GPAT4: variants seen among roughly 807,000 people sequenced by gnomAD.
The protein encoded by GPAT4 is glycerol-3-phosphate acyltransferase 4.
Under a neutral mutation model 58.0 loss-of-function variants are expected in GPAT4, and 17 were observed. The observed-to-expected ratio is 0.29, with a 90% CI of 0.20 to 0.44. GPAT4 has a LOEUF of 0.44. GPAT4 is among the 20% of genes least tolerant of loss of function. GPAT4 has a pLI of 1.00. For missense variants in GPAT4, 377 were observed against 574.5 expected (o/e 0.66, Z 3.51); for synonymous variants, 204 against 210.1 (o/e 0.97, Z 0.25).
At chr8:41,581,403 A>T (rs1802504072) in intron 1 of GPAT4, among the ~76,000 whole-genome samples, 1 of 152,186 alleles carries the variant, frequency 6.6e-6, no homozygotes, top group Non-Finnish European at 1.5e-5. Context: ...GATCTGCAAT[A>T]ATAGAAAAAT....
At chr8:41,599,696 G>C (rs997964193) in intron 2 of GPAT4, among the ~76,000 whole-genome samples, 5 of 152,176 alleles carry the variant, frequency 3.3e-5, no homozygotes, top group African/African-American at 1.2e-4. Context: ...TTCTAAGTAG[G>C]TCCTTGCATT....
chr8:41,608,637 G>A (rs1224232713), intron 2 of GPAT4, among the ~76,000 whole-genome samples: 2 of 152,214 alleles, frequency 1.3e-5, no homozygotes, highest in Non-Finnish European at 2.9e-5. Context: ...AGGACAGAGT[G>A]CTTTGCATTT....
At chr8:41,612,043 C>A (rs538124664) in intron 6 of GPAT4, 51 bp downstream of exon 6, 1 of 1,602,676 alleles carries the variant, frequency 6.2e-7, no homozygotes, top group Non-Finnish European at 8.5e-7. Flanking sequence ...CAGGAAACAC[C>A]ACCCACCTAT....
chr8:41,582,224 G>GA (rs1170097179), intron 1 of GPAT4, among the ~76,000 whole-genome samples: 1 of 150,310 alleles, frequency 6.7e-6, no homozygotes, highest in African/African-American at 2.4e-5. Context: ...GGCTGGTCTC[G>GA]AACTCCTGAC....
At chr8:41,591,573 AATG>A (rs1217141705) in intron 1 of GPAT4, among the ~76,000 whole-genome samples, 1 of 152,238 alleles carries the variant, frequency 6.6e-6, no homozygotes, top group African/African-American at 2.4e-5. Context: ...GAACTAAGGT[AATG>A]ATGAAGCTTT....
intron 12 of GPAT4, 81 bp downstream of exon 12, chr8:41,619,058 G>C (rs768233542): frequency 1.3e-6 from 2 of 1,508,102 alleles, no homozygotes; most frequent in Admixed American, 3.6e-5. Context: ...GTCATTCCCC[G>C]TGGTGTGGAG....
At chr8:41,610,427 G>C in intron 4 of GPAT4, 1 of 1,262,826 alleles carries the variant, frequency 7.9e-7, no homozygotes, top group Non-Finnish European at 1.0e-6. Flanking sequence ...CCAAAGGGAA[G>C]GGGAGGGCAG....
chr8:41,615,916 C>A (rs1803583332), intron 10 of GPAT4, among the ~76,000 whole-genome samples: 1 of 152,208 alleles, frequency 6.6e-6, no homozygotes, highest in Admixed American at 6.5e-5. Flanking sequence ...CCTGGTGAGG[C>A]CGATGCTCAC....
At chr8:41,590,767 AC>A (rs1234087450) in intron 1 of GPAT4, among the ~76,000 whole-genome samples, 3 of 152,210 alleles carry the variant, frequency 2.0e-5, no homozygotes, top group African/African-American at 7.2e-5. Context: ...GTCCTTGTAG[AC>A]TAGAGCATTT....
chr8:41,612,294 G>A (rs757153434), intron 7 of GPAT4, 21 bp downstream of exon 7: 54 of 1,612,492 alleles, frequency 3.3e-5, no homozygotes, highest in Admixed American at 3.0e-4. Context: ...TTTCCGGTGC[G>A]TTCTTGAGGC....
At chr8:41,609,253 G>T (rs1459402111) in intron 2 of GPAT4, among the ~76,000 whole-genome samples, 163 bp from the exon 3 acceptor site, 2 of 152,242 alleles carry the variant, frequency 1.3e-5, no homozygotes, top group Admixed American at 6.5e-5. Flanking sequence ...GGAAGGGGCT[G>T]CTCTGGGGAG....
chr8:41,608,618 G>A (rs1010578396), intron 2 of GPAT4, among the ~76,000 whole-genome samples: 1 of 152,180 alleles, frequency 6.6e-6, no homozygotes, highest in African/African-American at 2.4e-5. Context: ...TGTTATTTCG[G>A]TAATAATCAG....
intron 9 of GPAT4, 126 bp from the exon 10 acceptor site, chr8:41,614,837 A>T (rs1803548423): frequency 8.0e-6 from 6 of 746,730 alleles, no homozygotes; most frequent in Admixed American, 5.4e-5. Context: ...TAGGGAGATG[A>T]CAGATGTATC....
chr8:41,610,881 A>G, intron 5 of GPAT4, 71 bp downstream of exon 5: 1 of 1,465,602 alleles, frequency 6.8e-7, no homozygotes, highest in Non-Finnish European at 9.2e-7. Context: ...TATCGAAGGC[A>G]AGGACACTTC....
chr8:41,593,648 C>T (rs1802851504), intron 1 of GPAT4, among the ~76,000 whole-genome samples: 3 of 152,196 alleles, frequency 2.0e-5, no homozygotes. Context: ...CTGTGGTTAA[C>T]AGCACAAGGT....
rs751466650 is a variant in GPAT4, at chr8:41,621,029, G to C, written c.*28G>C. ...CTGCCTCCAGCTGGCTGGGGCCACC[G>C]TGCGGGGTGCCAACGGGCTCAGAGC... On this transcript the variant is annotated 3_prime_UTR_variant, in exon 13 of 13. Coordinates refer to ENST00000396987, the MANE Select transcript of GPAT4 (RefSeq NM_178819.4). 32 of 1,549,980 alleles carry C rather than the reference G, an allele frequency of 2.1e-5. No homozygotes were observed. Among genetic ancestry groups the C allele is most frequent in the Non-Finnish European group, 2.7e-5 (31 of 1,146,862 alleles).
intron 1 of GPAT4, among the ~76,000 whole-genome samples, chr8:41,597,710 A>C (rs1378776220): frequency 6.6e-6 from 1 of 152,232 alleles, no homozygotes; most frequent in Non-Finnish European, 1.5e-5. Context: ...GCACATTCTT[A>C]AGTTGAAAAC....
At chr8:41,616,618 T>A (rs1313170633) in intron 10 of GPAT4, among the ~76,000 whole-genome samples, 1 of 152,122 alleles carries the variant, frequency 6.6e-6, no homozygotes, top group Non-Finnish European at 1.5e-5. Context: ...TTCTAACATG[T>A]TCTGGGTGGC....
chr8:41,582,870 A>G (rs1802560276), intron 1 of GPAT4, among the ~76,000 whole-genome samples: 1 of 152,216 alleles, frequency 6.6e-6, no homozygotes, highest in Non-Finnish European at 1.5e-5. Context: ...CACCTGAAAC[A>G]TACATCATTT....
Sources: gnomAD v4.1 joint callset for allele counts (sites outside exome capture counted in the v4.1 genomes callset) on GRCh38, gnomAD v4.1.1 for gene constraint, MANE v1.5 for transcripts, NCBI Gene and HGNC (gene_info 2026-07-23, HGNC 2026-07-21) for gene names.